INPP4B: variants seen among roughly 807,000 people sequenced by gnomAD.
INPP4B encodes inositol polyphosphate-4-phosphatase type II B.
INPP4B carries 55 observed loss-of-function variants against 122.5 expected under a neutral mutation model. The ratio of observed to expected loss-of-function variants is 0.45; its 90% confidence interval spans 0.36 to 0.56. The LOEUF (loss-of-function observed/expected upper bound fraction) is 0.56, where lower values mean the gene tolerates loss of function less well. INPP4B is among the 20% of genes least tolerant of loss of function. The probability of loss-of-function intolerance (pLI) is 0.00; values close to 1 mark genes in which losing one functional copy is unlikely to be tolerated. For missense variants in INPP4B, 1,000 were observed against 1,097.7 expected (o/e 0.91, Z 1.26); for synonymous variants, 403 against 388.7 (o/e 1.04, Z -0.43).
intron 2 of INPP4B, among the ~76,000 whole-genome samples, chr4:142,693,887 A>C (rs1408394343): frequency 6.6e-6 from 1 of 152,188 alleles, no homozygotes. Context: ...TAGGAAGAAA[A>C]AGCCTTGAAA....
intron 1 of INPP4B, among the ~76,000 whole-genome samples, chr4:142,799,929 A>G (rs1034470955): frequency 7.3e-5 from 11 of 151,192 alleles, no homozygotes; most frequent in Admixed American, 7.2e-4. Flanking sequence ...TAATGATGCA[A>G]TGAACACTCT....
chr4:142,703,762 T>G (rs1350698188), intron 2 of INPP4B, among the ~76,000 whole-genome samples: 1 of 152,134 alleles, frequency 6.6e-6, no homozygotes, highest in Non-Finnish European at 1.5e-5. Flanking sequence ...GGTACCAAAC[T>G]CTGGAGCATA....
chr4:142,663,344 G>A (rs547724072), intron 2 of INPP4B, among the ~76,000 whole-genome samples: 1 of 152,216 alleles, frequency 6.6e-6, no homozygotes, highest in South Asian at 2.1e-4. Context: ...ATGAGAACAG[G>A]TCTGTATATT....
At chr4:142,759,902 AC>A in intron 1 of INPP4B, among the ~76,000 whole-genome samples, 1 of 151,772 alleles carries the variant, frequency 6.6e-6, no homozygotes, top group Non-Finnish European at 1.5e-5. Context: ...ATAATAAGAA[AC>A]AAAAAAAGAA....
At chr4:142,239,939 G>A (rs1858482863) in intron 11 of INPP4B, among the ~76,000 whole-genome samples, 1 of 151,348 alleles carries the variant, frequency 6.6e-6, no homozygotes, top group South Asian at 2.1e-4. Context: ...AAAAATCCTT[G>A]GATTTTGCTT....
At position 142,093,920 on chromosome 4, in the gene INPP4B, T is replaced by TTTAAATTATATC. The variant is rs538934398; in HGVS notation, c.2375-7676_2375-7665dup. ...AAAAAAACAAACTTTAAAAGTAATT[T>TTTAAATTATATC]TTAAATTATATCCAAAGCAATATAT... On this transcript the variant is annotated intron_variant, in intron 23 of 25. Transcript: ENST00000262992. Among the ~76,000 whole-genome samples the TTTAAATTATATC allele has an allele frequency of 5.1e-3, 771 of 152,346 alleles. 5 individuals are homozygous for TTTAAATTATATC. The highest frequency in any genetic ancestry group is 0.018 in the African/African-American group (735 of 41,578).
At chr4:142,092,235 T>A (rs336292) in intron 23 of INPP4B, among the ~76,000 whole-genome samples, 1 of 152,062 alleles carries the variant, frequency 6.6e-6, no homozygotes, top group Admixed American at 6.5e-5. Context: ...TAGGATAAAA[T>A]TAACATAAGA....
chr4:142,683,517 G>A (rs930030249), intron 2 of INPP4B, among the ~76,000 whole-genome samples: 2 of 151,710 alleles, frequency 1.3e-5, no homozygotes, highest in Non-Finnish European at 2.9e-5. Context: ...GCTATCTACC[G>A]CTTGGAAGCT....
intron 1 of INPP4B, among the ~76,000 whole-genome samples, chr4:142,779,535 C>T (rs760335233): frequency 6.6e-6 from 1 of 151,984 alleles, no homozygotes; most frequent in South Asian, 2.1e-4. Context: ...ATCCATGACT[C>T]GCAGCTATTA....
rs563993776 is a variant in INPP4B, at chr4:142,438,714, G to A, written c.-126-7329C>T. Reference sequence around the variant, plus strand: ...AATTGACAAATAAAATCTAATTAAAGAGCTTCTGCACAGCAAAACAACAAA... The same window carrying A: ...AATTGACAAATAAAATCTAATTAAAAAGCTTCTGCACAGCAAAACAACAAA... On this transcript the variant is annotated intron_variant, in intron 3 of 25. Transcript: ENST00000262992. Among the ~76,000 whole-genome samples, 11 of 152,156 alleles carry A rather than the reference G, an allele frequency of 7.2e-5. No homozygotes were observed. In the East Asian group the frequency reaches 1.7e-3, roughly 24 times the overall value.
chr4:142,496,971 A>C (rs1822663976), intron 2 of INPP4B: 1 of 152,150 alleles, frequency 6.6e-6, no homozygotes, highest in African/African-American at 2.4e-5. Flanking sequence ...GGGGGAAGAA[A>C]AAAAGGATAT....
At chr4:142,205,902 T>C (rs1579283444) in intron 14 of INPP4B, among the ~76,000 whole-genome samples, 1 of 152,128 alleles carries the variant, frequency 6.6e-6, no homozygotes, top group East Asian at 1.9e-4. Context: ...TTCAAGCTAT[T>C]GACAGACACT....
intron 11 of INPP4B, among the ~76,000 whole-genome samples, chr4:142,244,599 A>G (rs1227555171): frequency 6.6e-6 from 1 of 151,784 alleles, no homozygotes; most frequent in Admixed American, 6.6e-5. Context: ...CACCATGCCC[A>G]GCCCACATTT....
intron 1 of INPP4B, among the ~76,000 whole-genome samples, chr4:142,801,175 G>A (rs1028487148): frequency 3.9e-5 from 6 of 152,152 alleles, no homozygotes; most frequent in South Asian, 2.1e-4. Context: ...GGTCAAAAGC[G>A]GAAAACAGGT....
chr4:142,319,812 TTG>T (rs2151394787), intron 7 of INPP4B, among the ~76,000 whole-genome samples: 1 of 152,310 alleles, frequency 6.6e-6, no homozygotes, highest in East Asian at 1.9e-4. Context: ...TGTTAAATAA[TTG>T]TGTTAGCTTT....
intron 5 of INPP4B, 30 bp from the exon 6 acceptor site, chr4:142,405,354 AG>A: frequency 7.7e-7 from 1 of 1,290,914 alleles, no homozygotes; most frequent in Non-Finnish European, 1.1e-6. Context: ...CAGAAAGAAA[AG>A]AAACTAACAC....
At chr4:142,749,299 CAT>C (rs1393661032) in intron 1 of INPP4B, among the ~76,000 whole-genome samples, 4 of 145,776 alleles carry the variant, frequency 2.7e-5, no homozygotes, top group Non-Finnish European at 6.0e-5. Context: ...ATATATAAAA[CAT>C]ATATATGTTT....
Position 142,160,450 on chromosome 4 carries a change from T to C in INPP4B, c.1471A>G (p.Ser491Gly). The C allele has an allele frequency of 1.9e-6, 3 of 1,612,498 alleles. No homozygotes were observed. The highest frequency in any genetic ancestry group is 2.2e-5 in the East Asian group (1 of 44,830). Residue 491 changes from serine (S) to glycine (G), a missense_variant, in exon 17 of 26, where the codon AGC (serine) becomes GGC (glycine). Physicochemically the swap from Ser to Gly is moderately conservative, Grantham distance 56. Coordinates refer to ENST00000262992, the MANE Select transcript of INPP4B (RefSeq NM_001101669.3). ...TCTTGGGGACTGCTCTCCTCTGTGC[T>C]GCTCTTAGGAGAGGGTGGCTTCTTA... ...ILKKPPSPKS[S>G]TEESSPQDQP... is the part of the protein sequence containing the mutation.
At chr4:142,174,632 C>CTT (rs34766161) in intron 15 of INPP4B, among the ~76,000 whole-genome samples, 2 of 151,102 alleles carry the variant, frequency 1.3e-5, no homozygotes, top group Non-Finnish European at 2.9e-5. Flanking sequence ...TTATTGACTT[C>CTT]TTTTTTTTAA....
Sources: gnomAD v4.1 joint callset for allele counts (sites outside exome capture counted in the v4.1 genomes callset) on GRCh38, gnomAD v4.1.1 for gene constraint, MANE v1.5 for transcripts, NCBI Gene and HGNC (gene_info 2026-07-23, HGNC 2026-07-21) for gene names.